Variants in MAPK9 observed in about 807,000 individuals in gnomAD.
MAPK9 encodes the protein Jun kinase.
A neutral mutation model predicts 57.1 loss-of-function variants in MAPK9; 30 were observed. The ratio of observed to expected loss-of-function variants is 0.53; its 90% CI spans 0.39 to 0.71. The LOEUF (loss-of-function observed/expected upper bound fraction) is 0.71. Among genes scored for constraint, MAPK9 ranks in the 30% least tolerant of loss-of-function variants. MAPK9 has a pLI of 0.00. For missense variants in MAPK9, 362 were observed against 521.0 expected (o/e 0.69, Z 2.97); for synonymous variants, 155 against 177.0 (o/e 0.88, Z 0.99).
At chr5:180,238,571 T>G (rs906242990) in intron 10 of MAPK9, among the ~76,000 whole-genome samples, 168 bp from the exon 11 acceptor site, 88 of 151,952 alleles carry the variant, frequency 5.8e-4, no homozygotes, top group Non-Finnish European at 2.9e-4. Context: ...AAAATATTCA[T>G]ATTTTGATAC....
intron 1 of MAPK9, among the ~76,000 whole-genome samples, chr5:180,286,502 A>C (rs894326993): frequency 4.0e-5 from 6 of 151,792 alleles, no homozygotes; most frequent in Non-Finnish European, 8.8e-5. Context: ...TTCTTTGATA[A>C]TCAAGAACCT....
At chr5:180,284,488 T>A (rs918612096) in intron 1 of MAPK9, among the ~76,000 whole-genome samples, 2 of 152,220 alleles carry the variant, frequency 1.3e-5, no homozygotes, top group African/African-American at 4.8e-5. Context: ...GAGCTCAAGT[T>A]TGTTCACAGT....
chr5:180,262,895 C>T (rs1490281401), intron 4 of MAPK9: 2 of 152,408 alleles, frequency 1.3e-5, no homozygotes, highest in African/African-American at 2.4e-5. Flanking sequence ...TCTCTAACTT[C>T]TCGCTGTCAA....
intron 9 of MAPK9, 40 bp from the exon 10 acceptor site, chr5:180,240,027 C>CA (rs750680072): frequency 1.1e-3 from 1,538 of 1,454,940 alleles, no homozygotes; most frequent in Non-Finnish European, 1.2e-3. Context: ...AGTAATGCCT[C>CA]AAAAAAAAAT....
intron 2 of MAPK9, among the ~76,000 whole-genome samples, chr5:180,277,091 T>C (rs540805285): frequency 5.0e-4 from 76 of 152,362 alleles, no homozygotes; most frequent in South Asian, 4.1e-3. Context: ...CTAATTTAAA[T>C]AGAAGATTAA....
rs1486521820 is a variant in MAPK9, at chr5:180,234,354, G to A, written c.*2030C>T. The A allele has an allele frequency of 6.6e-6, 1 of 152,218 alleles. No individual in the cohort carries two copies. The highest frequency in any genetic ancestry group is 1.5e-5 in the Non-Finnish European group (1 of 68,046). The allele number at this position is 152,218 out of a possible 1,614,324, so 9.4% of individuals were successfully genotyped here. ...GAAGCTGGGGTGAGGTATTTCTGTG[G>A]AGCCCTGTGGCCTGTCCTAGGCACG... is the stretch of plus-strand genomic sequence containing the variant. On this transcript the variant is annotated 3_prime_UTR_variant, in exon 12 of 12. Transcript: ENST00000452135.
chr5:180,272,291 G>T (rs1761406051), intron 2 of MAPK9, among the ~76,000 whole-genome samples: 1 of 152,160 alleles, frequency 6.6e-6, no homozygotes, highest in African/African-American at 2.4e-5. Context: ...CCCCACCCTT[G>T]ATTGATAATA....
intron 1 of MAPK9, among the ~76,000 whole-genome samples, chr5:180,291,071 G>A (rs560590089): frequency 6.6e-6 from 1 of 152,232 alleles, no homozygotes; most frequent in Non-Finnish European, 1.5e-5. Context: ...GGAAGGAGCA[G>A]AAAGAGCTAC....
rs1431028614 is a variant in MAPK9 at position 180,235,522 on chromosome 5, G to C, written c.*862C>G. 6.6e-6 allele frequency: 1 copy of C among 152,208 alleles called. No homozygotes were observed. Among genetic ancestry groups the C allele is most frequent in the African/African-American group, 2.4e-5 (1 of 41,450 alleles). The allele number at this position is 152,208 out of a possible 1,614,324, so 9.4% of individuals were successfully genotyped here. On this transcript the variant is annotated 3_prime_UTR_variant, in exon 12 of 12. Transcript: ENST00000452135. ...CCTATCTGCCATCATATTTAATTAA[G>C]ATGGAGTGTTACGCACCTAATAAAG...
intron 7 of MAPK9, among the ~76,000 whole-genome samples, chr5:180,244,093 C>T (rs1176504647): frequency 6.6e-6 from 1 of 152,164 alleles, no homozygotes; most frequent in Admixed American, 6.5e-5. Context: ...AAGTGATCTG[C>T]CTGCCTCGGC....
chr5:180,278,822 ATCAAATTATCTG>A (rs1388408639), intron 2 of MAPK9, among the ~76,000 whole-genome samples: 1 of 151,866 alleles, frequency 6.6e-6, no homozygotes, highest in Non-Finnish European at 1.5e-5. Flanking sequence ...GCATGCACAC[ATCAAATTATCTG>A]TCAAATTATC....
rs1372073460 is a variant in MAPK9 at position 180,247,804 on chromosome 5, A to ACGCC, written c.617-298_617-295dup. ...TGAACACAAAGCTTTTCAGGGCCACACGCCCACCCCAGCCTCCATGGCCAA... is the reference window on the plus strand; with the variant it reads ...TGAACACAAAGCTTTTCAGGGCCACACGCCCGCCCACCCCAGCCTCCATGGCCAA... On this transcript the variant is annotated intron_variant, in intron 6 of 11. Coordinates refer to ENST00000452135, the MANE Select transcript of MAPK9 (RefSeq NM_002752.5). The surrounding 1 kb of genome is among the most constrained non-coding windows in gnomAD (Gnocchi z 4.5). 6.4e-7 allele frequency: 1 copy of ACGCC among 1,572,508 alleles called. No homozygotes were observed. Among genetic ancestry groups the ACGCC allele is most frequent in the South Asian group, 1.1e-5 (1 of 90,182 alleles).
At chr5:180,238,141 G>A (rs982379204) in intron 11 of MAPK9, 191 bp downstream of exon 11, 12 of 430,862 alleles carry the variant, frequency 2.8e-5, no homozygotes, top group South Asian at 9.2e-5. Flanking sequence ...ATGGTGGCGC[G>A]TGCCTGTAGT....
intron 11 of MAPK9, 29 bp downstream of exon 11, chr5:180,238,303 T>C (rs1175148663): frequency 1.3e-6 from 2 of 1,561,126 alleles, no homozygotes; most frequent in African/African-American, 2.7e-5. Context: ...AAGAAAAATA[T>C]CATACAATCA....
chr5:180,265,652 C>G (rs1399972009), intron 3 of MAPK9, among the ~76,000 whole-genome samples: 8 of 152,214 alleles, frequency 5.3e-5, no homozygotes, highest in Non-Finnish European at 7.3e-5. Context: ...GTTACACTGT[C>G]TTGGGTATCT....
intron 1 of MAPK9, among the ~76,000 whole-genome samples, chr5:180,288,126 T>C (rs906610269): frequency 1.2e-4 from 18 of 152,340 alleles, no homozygotes; most frequent in Admixed American, 4.6e-4. Context: ...GGAAGGCATC[T>C]TGATGCAGGA....
chr5:180,258,862 TAAAAAAAAAAAA>T (rs531705510), intron 5 of MAPK9, among the ~76,000 whole-genome samples: 1 of 96,042 alleles, frequency 1.0e-5, no homozygotes, highest in African/African-American at 4.1e-5. Flanking sequence ...CTGTCTCTAC[TAAAAAAAAAAAA>T]AAAAAAAAAA....
chr5:180,280,990 C>T (rs371687191), intron 1 of MAPK9, among the ~76,000 whole-genome samples: 4 of 152,148 alleles, frequency 2.6e-5, no homozygotes, highest in African/African-American at 4.8e-5. Flanking sequence ...TGTCTAGAGA[C>T]GGAGGCATTG....
At chr5:180,280,721 A>G in intron 1 of MAPK9, 113 bp from the exon 2 acceptor site, 1 of 787,268 alleles carries the variant, frequency 1.3e-6, no homozygotes, top group Admixed American at 3.6e-5. Context: ...AAGTTGATAA[A>G]GTCAATCTGA....
Sources: allele counts gnomAD v4.1 joint callset (sites outside exome capture counted in the v4.1 genomes callset), GRCh38; gene constraint gnomAD v4.1.1; non-coding constraint Gnocchi (gnomAD v3.1); transcripts MANE v1.5; gene names NCBI Gene and HGNC (gene_info 2026-07-23, HGNC 2026-07-21).